Variants in PDXDC1 observed in about 807,000 individuals in gnomAD.
The protein encoded by PDXDC1 is pyridoxal-dependent decarboxylase domain-containing protein 1.
In PDXDC1, 42 loss-of-function variants were observed where a neutral mutation model predicts 100.1. The ratio of observed to expected loss-of-function variants is 0.42; its 90% CI spans 0.33 to 0.54. The LOEUF (loss-of-function observed/expected upper bound fraction) is 0.54. PDXDC1 is among the 20% of genes least tolerant of loss of function. The probability of loss-of-function intolerance (pLI) is 0.10; values close to 1 mark genes in which losing one functional copy is unlikely to be tolerated. For synonymous variants in PDXDC1, 260 were observed against 371.7 expected, an observed-to-expected ratio of 0.70 and a Z score of 3.46; for missense variants, 636 against 979.2, an observed-to-expected ratio of 0.65 and a Z score of 4.68.
chr16:15,053,781 T>G (rs1390810503), intron 16 of PDXDC1, among the ~76,000 whole-genome samples: 2 of 152,062 alleles, frequency 1.3e-5, no homozygotes, highest in Non-Finnish European at 2.9e-5. Flanking sequence ...TGTGGTGGCA[T>G]GCACCTGTAA....
chr16:15,148,987 G>A, the PDXDC1 span, among the ~76,000 whole-genome samples: 1 of 152,218 alleles, frequency 6.6e-6, no homozygotes, highest in African/African-American at 2.4e-5. Context: ...TCTCACGCAG[G>A]CACGTTCTGA....
intron 16 of PDXDC1, chr16:15,092,541 T>A: frequency 6.8e-6 from 11 of 1,613,358 alleles, no homozygotes; most frequent in Non-Finnish European, 9.3e-6. Flanking sequence ...TCTGTCACAG[T>A]TCCACCAAAC....
At chr16:15,041,566 G>T, downstream of PDXDC1, 2 of 1,218,572 alleles carry the variant, frequency 1.6e-6, no homozygotes, top group Non-Finnish European at 2.4e-6. Flanking sequence ...TGCAAGACTG[G>T]GGACAAAACG....
chr16:15,064,130 G>A (rs891175186), intron 16 of PDXDC1, among the ~76,000 whole-genome samples: 2 of 152,038 alleles, frequency 1.3e-5, no homozygotes, highest in African/African-American at 4.8e-5. Context: ...GGCTGGCCCA[G>A]TGGTTTTCTA....
At chr16:15,001,198 T>TA (rs1161953421) in intron 3 of PDXDC1, among the ~76,000 whole-genome samples, 5 of 151,882 alleles carry the variant, frequency 3.3e-5, no homozygotes, top group Admixed American at 6.6e-5. Flanking sequence ...CTACCAAAAA[T>TA]AAAAAAACGG....
At chr16:15,020,111 CAAAAAAAAA>C (rs56353637) in intron 12 of PDXDC1, among the ~76,000 whole-genome samples, 115 of 90,606 alleles carry the variant, frequency 1.3e-3, no homozygotes, top group Middle Eastern at 5.4e-3. Context: ...GGCTCCGTCT[CAAAAAAAAA>C]AAAAAAAAAA....
rs1477805981 is a variant in PDXDC1, at chr16:15,121,035, C to CT, written c.1400-17843dup. Among the ~76,000 whole-genome samples the CT allele has an allele frequency of 1.3e-4, 12 of 91,122 alleles. 1 individual carries two copies. Among genetic ancestry groups the CT allele is most frequent in the Admixed American group, 4.5e-4 (4 of 8,838 alleles). The allele number at this position is 91,122 out of a possible 152,430, so 59.8% of individuals were successfully genotyped here. A position where few individuals can be genotyped will look rare whatever the true frequency, so the allele number is the denominator to read the frequency against. On this transcript the variant is annotated intron_variant, in intron 16 of 16. Coordinates refer to the PDXDC1 transcript ENST00000535621. ...ATGGCATGAATAGTGTGGGATTTCT[C>CT]TAAGATTGTTGATATTAATTCCATT...
At chr16:15,091,268 A>G (rs376025585) in intron 16 of PDXDC1, 3 of 1,604,954 alleles carry the variant, frequency 1.9e-6, no homozygotes, top group Non-Finnish European at 2.6e-6. Flanking sequence ...CTATGTCTGT[A>G]TACAGTGGCA....
intron 16 of PDXDC1, among the ~76,000 whole-genome samples, chr16:15,096,725 CAA>C (rs1222385118): frequency 2.6e-5 from 4 of 152,260 alleles, no homozygotes; most frequent in African/African-American, 7.2e-5. Context: ...TTGTCTAGCC[CAA>C]GTTAGAGCGC....
At chr16:15,101,093 A>G (rs1305369791) in intron 16 of PDXDC1, among the ~76,000 whole-genome samples, 1 of 152,218 alleles carries the variant, frequency 6.6e-6, no homozygotes, top group Non-Finnish European at 1.5e-5. Flanking sequence ...CAAAATGGGA[A>G]TAACTTTTTG....
chr16:14,975,744 G>A (rs1337477141), intron 1 of PDXDC1: 1 of 939,874 alleles, frequency 1.1e-6, no homozygotes, highest in Non-Finnish European at 1.3e-6. Context: ...CGGAGGTTCA[G>A]TCCCGGGGTC....
the PDXDC1 span, among the ~76,000 whole-genome samples, chr16:15,150,414 C>T: frequency 7.3e-5 from 11 of 151,166 alleles, no homozygotes; most frequent in African/African-American, 1.9e-4. Context: ...CCTGTAATCC[C>T]AGCACTTCGG....
chr16:15,054,509 C>A (rs1398061628), intron 16 of PDXDC1, among the ~76,000 whole-genome samples: 1 of 152,178 alleles, frequency 6.6e-6, no homozygotes, highest in African/African-American at 2.4e-5. Context: ...CTCTTGACTT[C>A]GCTAGCTAAC....
chr16:15,017,370 G>A lies in PDXDC1; in HGVS notation c.911G>A (p.Gly304Asp). 6.2e-7 allele frequency: 1 copy of A among 1,614,232 alleles called. No individual in the cohort carries two copies. The change falls in exon 11 of 23, where the codon GGT becomes GAT. Residue 304 changes from glycine (G) to aspartate (D), a missense_variant. Physicochemically the swap from Gly to Asp is moderately conservative, Grantham distance 94. Transcript: ENST00000396410. ...SMTMTPGPWL[G>D]LPAVPAVTLY... is the part of the protein sequence containing the mutation. ...ACGATGACTCCTGGCCCGTGGCTGG[G>A]TTTGCCAGCTGTTCCTGCGGTGACA...
intron 14 of PDXDC1, among the ~76,000 whole-genome samples, chr16:15,028,452 G>A (rs2151610781): frequency 6.6e-6 from 1 of 152,416 alleles, no homozygotes; most frequent in East Asian, 1.9e-4. Flanking sequence ...CAACTAAAAT[G>A]TAAGCTCCAA....
rs1388864914 is a variant in PDXDC1 at position 15,136,493 on chromosome 16, C to T, written c.1400-2386C>T. On this transcript the variant is annotated intron_variant, in intron 16 of 16. Coordinates refer to the PDXDC1 transcript ENST00000535621. ...TCCCACCTCCCTCCTCCTGAGACTC[C>T]CCAGCCGCAGGCTCTGCCCCACTGC... 7.6e-6 allele frequency: 6 copies of T among 793,944 alleles called. No homozygotes were observed. The East Asian group carries it at 1.6e-4, about 21-fold the overall frequency. 49.2% of individuals were successfully genotyped at this position (793,944 alleles called of 1,614,324 possible). A position where few individuals can be genotyped will look rare whatever the true frequency, so the allele number is the denominator to read the frequency against.
At chr16:15,143,868 A>G (rs1468267249), downstream of PDXDC1, among the ~76,000 whole-genome samples, 1 of 152,150 alleles carries the variant, frequency 6.6e-6, no homozygotes, top group Admixed American at 6.5e-5. Context: ...GGCCGGACGG[A>G]GCCCCCAAAG....
chr16:15,076,572 C>T lies in PDXDC1; in HGVS notation c.1399+46516C>T, dbSNP rs531963820. The stretch of plus-strand genomic sequence containing the variant: ...AAACTGCTAACCATATTAAACAATC[C>T]TTCCGTGGAATCTGTCCCACCACAA... On this transcript the variant is annotated intron_variant, in intron 16 of 16. Transcript: ENST00000535621. 1.9e-6 allele frequency: 3 copies of T among 1,610,780 alleles called. No homozygotes were observed. In the South Asian group the frequency reaches 3.3e-5, roughly 18 times the overall value.
chr16:15,136,236 G>C (rs2048342186), intron 16 of PDXDC1: 1 of 628,758 alleles, frequency 1.6e-6, no homozygotes, highest in Non-Finnish European at 2.8e-6. Flanking sequence ...TTCCAGATGG[G>C]GAAACTGAGG....
Sources: gnomAD v4.1 joint callset for allele counts (sites outside exome capture counted in the v4.1 genomes callset) on GRCh38, gnomAD v4.1.1 for gene constraint, MANE v1.5 for transcripts, NCBI Gene and HGNC (gene_info 2026-07-23, HGNC 2026-07-21) for gene names.